COTL1: variants seen among roughly 807,000 people sequenced by gnomAD.
COTL1 encodes the protein coactosin like F-actin binding protein 1.
In COTL1, 15 loss-of-function variants were observed where a neutral mutation model predicts 16.5. The observed-to-expected ratio is 0.91, with a 90% CI of 0.61 to 1.40. The LOEUF is 1.40. Among genes scored for constraint, COTL1 ranks in the 40% most tolerant of loss-of-function variants. The pLI is 0.00. For missense variants in COTL1, 220 were observed against 201.5 expected (o/e 1.09, Z -0.56); for synonymous variants, 112 against 85.3 (o/e 1.31, Z -1.73).
intron 2 of COTL1, among the ~76,000 whole-genome samples, chr16:84,609,376 G>T (rs1286114009): frequency 6.6e-6 from 1 of 152,188 alleles, no homozygotes; most frequent in Admixed American, 6.5e-5. Context: ...CATCCCCTAG[G>T]CCTGCACTAA....
chr16:84,613,521 G>A (rs1905388125), intron 2 of COTL1, among the ~76,000 whole-genome samples: 1 of 152,098 alleles, frequency 6.6e-6, no homozygotes. Context: ...AGATATGGGT[G>A]GGGACAAACC....
intron 2 of COTL1, among the ~76,000 whole-genome samples, chr16:84,592,942 C>T (rs1456948321): frequency 6.6e-6 from 1 of 152,244 alleles, no homozygotes; most frequent in Non-Finnish European, 1.5e-5. Context: ...TTAAAGGAAA[C>T]TGATCGTCAT....
In COTL1 at chr16:84,617,560, G is replaced by C. The variant is rs756346377; in HGVS notation, c.101C>G (p.Ser34Cys). 15 of 1,557,966 alleles carry C rather than the reference G, an allele frequency of 9.6e-6. No individual in the cohort carries two copies. Among genetic ancestry groups the C allele is most frequent in the Admixed American group, 3.9e-5 (2 of 51,770 alleles). ...TCCCTGCTCGCCGGGGACGATGGTG[G>C]AGCCGTCATATTTAAAAGTCACCCT... is the stretch of plus-strand genomic sequence containing the variant. Reference protein sequence around the residue: ...VIWVTFKYDGSTIVPGEQGAE... With the variant: ...VIWVTFKYDGCTIVPGEQGAE... Residue 34 changes from serine to cysteine, a missense_variant, in exon 2 of 4, where the codon TCC (serine) becomes TGC (cysteine). Ser to Cys is a moderately radical substitution (Grantham distance 112, BLOSUM62 -1). Transcript: ENST00000262428.
chr16:84,590,209 T>A lies in COTL1; in HGVS notation c.214A>T (p.Lys72Ter). 1.2e-6 allele frequency: 2 copies of A among 1,614,204 alleles called. No individual in the cohort carries two copies. Among genetic ancestry groups the A allele is most frequent in the Non-Finnish European group, 1.7e-6 (2 of 1,180,022 alleles). Residue 72 changes from lysine (K) to a stop codon, truncating the protein, a stop_gained, in exon 3 of 4, where the codon AAG becomes TAG. Coordinates refer to ENST00000262428, the MANE Select transcript of COTL1 (RefSeq NM_021149.5). LOFTEE classifies it high-confidence loss of function. The surrounding 1 kb of genome is among the most constrained non-coding windows in gnomAD (Gnocchi z 5.5). ...VRFTTGDAMS[K>*]RSKFALITWI... The stretch of plus-strand genomic sequence containing the variant: ...GTGATGAGGGCAAACTTGGACCTCT[T>A]GCTCATGGCATCCCCGGTGGTGAAG...
chr16:84,566,829 G>A lies in COTL1; in HGVS notation c.*16C>T. 6.6e-7 allele frequency: 1 copy of A among 1,505,482 alleles called. No individual in the cohort carries two copies. The highest frequency in any genetic ancestry group is 1.3e-5 in the South Asian group (1 of 77,200). The allele number at this position is 1,505,482 out of a possible 1,614,324, so 93.3% of individuals were successfully genotyped here. On this transcript the variant is annotated 3_prime_UTR_variant, in exon 4 of 4. Transcript: ENST00000262428. ...GCAGATGACTTTGGCAAGGGGTGGT[G>A]TGGCGGGGGCTGGGGTTACTCCGTC...
intron 2 of COTL1, among the ~76,000 whole-genome samples, chr16:84,591,276 A>G (rs1233507544): frequency 6.7e-6 from 1 of 150,284 alleles, no homozygotes; most frequent in Non-Finnish European, 1.5e-5. Context: ...CTTGGCCTCT[A>G]GGGTTCACAC....
intron 3 of COTL1, among the ~76,000 whole-genome samples, chr16:84,588,014 C>T (rs1287982548): frequency 6.6e-6 from 1 of 151,976 alleles, no homozygotes; most frequent in African/African-American, 2.4e-5. Flanking sequence ...TTACGTGATC[C>T]GCCTGCCTTG....
At chr16:84,611,091 C>T (rs887388329) in intron 2 of COTL1, among the ~76,000 whole-genome samples, 2 of 152,182 alleles carry the variant, frequency 1.3e-5, no homozygotes, top group African/African-American at 4.8e-5. Context: ...ATCATTATCC[C>T]CACCTTTACA....
intron 3 of COTL1, chr16:84,568,450 G>A (rs1394544763): frequency 2.6e-5 from 4 of 152,174 alleles, no homozygotes; most frequent in African/African-American, 9.7e-5. Flanking sequence ...TCCACACAAT[G>A]GAATATTCCT....
chr16:84,588,789 T>C (rs552602315), intron 3 of COTL1, among the ~76,000 whole-genome samples: 2 of 151,922 alleles, frequency 1.3e-5, no homozygotes, highest in Non-Finnish European at 1.5e-5. Flanking sequence ...AGTGCTGAGA[T>C]GACAGGTGTG....
intron 2 of COTL1, among the ~76,000 whole-genome samples, chr16:84,603,150 G>A (rs773762542): frequency 1.3e-5 from 2 of 152,178 alleles, no homozygotes; most frequent in Non-Finnish European, 1.5e-5. Flanking sequence ...GGGAGCCCCT[G>A]GTTGGTGGGG....
chr16:84,614,953 T>C (rs1905433521), intron 2 of COTL1, among the ~76,000 whole-genome samples: 1 of 152,182 alleles, frequency 6.6e-6, no homozygotes, highest in African/African-American at 2.4e-5. Flanking sequence ...AGGAAGCCTA[T>C]TAACCTCTCT....
chr16:84,567,015 G>A, intron 3 of COTL1, 60 bp from the exon 4 acceptor site: 1 of 1,241,890 alleles, frequency 8.1e-7, no homozygotes, highest in African/African-American at 1.5e-5. Context: ...GGATGTGAGG[G>A]TGGCTCAGGC....
chr16:84,592,694 C>G (rs1904900035), intron 2 of COTL1, among the ~76,000 whole-genome samples: 1 of 152,160 alleles, frequency 6.6e-6, no homozygotes, highest in Non-Finnish European at 1.5e-5. Flanking sequence ...CACCAAGACC[C>G]AAGGACACAA....
chr16:84,595,817 G>C (rs974027337), intron 2 of COTL1: 4 of 152,044 alleles, frequency 2.6e-5, no homozygotes, highest in African/African-American at 9.7e-5. Flanking sequence ...GTATATGTGT[G>C]TATATACATA....
intron 2 of COTL1, among the ~76,000 whole-genome samples, chr16:84,591,619 G>A (rs1904863848): frequency 1.6e-5 from 2 of 121,988 alleles, no homozygotes; most frequent in Admixed American, 2.0e-4. Context: ...GGGCAACATG[G>A]AGAAATCACC....
chr16:84,611,522 G>C (rs184496205), intron 2 of COTL1, among the ~76,000 whole-genome samples: 1 of 152,126 alleles, frequency 6.6e-6, no homozygotes, highest in African/African-American at 2.4e-5. Context: ...TGAGACCAGC[G>C]GTCTGTCCTG....
chr16:84,617,009 C>G (rs928131046), intron 2 of COTL1, among the ~76,000 whole-genome samples: 3 of 152,204 alleles, frequency 2.0e-5, no homozygotes, highest in African/African-American at 7.2e-5. Context: ...GGTGTGTACT[C>G]TTTTGCATCT....
chr16:84,618,019 G>T lies in COTL1; in HGVS notation c.-105C>A. The T allele has an allele frequency of 1.7e-6, 1 of 600,754 alleles. No homozygotes were observed. The highest frequency in any genetic ancestry group is 2.2e-6 in the Non-Finnish European group (1 of 447,582). The allele number at this position is 600,754 out of a possible 1,614,324, so 37.2% of individuals were successfully genotyped here. ...GTACGCGCCGAGGGCGCACGGGCTG[G>T]CGGCGGTGGCGACGGCTACGCGGCG... is the stretch of plus-strand genomic sequence containing the variant. On this transcript the variant is annotated 5_prime_UTR_variant, in exon 1 of 4. Coordinates refer to ENST00000262428, the MANE Select transcript of COTL1 (RefSeq NM_021149.5).
Sources: allele counts gnomAD v4.1 joint callset (sites outside exome capture counted in the v4.1 genomes callset), GRCh38; gene constraint gnomAD v4.1.1; non-coding constraint Gnocchi (gnomAD v3.1); transcripts MANE v1.5; gene names NCBI Gene and HGNC (gene_info 2026-07-23, HGNC 2026-07-21).